ARFGAP3: variants seen among roughly 807,000 people sequenced by gnomAD.
The protein encoded by ARFGAP3 is ADP-ribosylation factor GTPase-activating protein 3.
ARFGAP3 carries 72 observed loss-of-function variants against 75.0 expected under a neutral mutation model. That is an observed-to-expected ratio of 0.96 (90% CI 0.79 to 1.17). The LOEUF is 1.17. Among genes scored for constraint, ARFGAP3 ranks in the 50% most tolerant of loss-of-function variants. The probability of loss-of-function intolerance (pLI) is 0.00; values close to 1 mark genes in which losing one functional copy is unlikely to be tolerated. For missense variants in ARFGAP3, 620 were observed against 626.6 expected (o/e 0.99, Z 0.11); for synonymous variants, 221 against 217.9 (o/e 1.01, Z -0.13).
chr22:42,816,143 A>C lies in ARFGAP3; in HGVS notation c.1064+999T>G, dbSNP rs539133777. Among the ~76,000 whole-genome samples, 17 of 152,322 alleles carry C rather than the reference A, an allele frequency of 1.1e-4. No homozygotes were observed. In the South Asian group the frequency reaches 3.3e-3, roughly 30 times the overall value. ...ACAAACAAACAAACAAAAAACATTT[A>C]GACTGAATCACATCTCTTAAACTGA... On this transcript the variant is annotated intron_variant, in intron 11 of 15. Transcript: ENST00000263245.
At chr22:42,856,738 C>A (rs1927517918) in intron 1 of ARFGAP3, among the ~76,000 whole-genome samples, 2 of 152,016 alleles carry the variant, frequency 1.3e-5, no homozygotes, top group Non-Finnish European at 2.9e-5. Context: ...GCATCCGGCG[C>A]CAGCAGCCGG....
intron 8 of ARFGAP3, among the ~76,000 whole-genome samples, chr22:42,822,857 T>C (rs1925872911): frequency 6.6e-6 from 1 of 152,176 alleles, no homozygotes; most frequent in Non-Finnish European, 1.5e-5. Context: ...TTGACCAAGC[T>C]GGAGTACAGT....
At chr22:42,851,859 T>C (rs530523552) in intron 1 of ARFGAP3, among the ~76,000 whole-genome samples, 1 of 152,330 alleles carries the variant, frequency 6.6e-6, no homozygotes, top group South Asian at 2.1e-4. Context: ...ATATTGAGTG[T>C]TTAATTCAGG....
chr22:42,844,225 C>G (rs1003082425), intron 2 of ARFGAP3, among the ~76,000 whole-genome samples: 7 of 151,528 alleles, frequency 4.6e-5, no homozygotes, highest in African/African-American at 1.7e-4. Flanking sequence ...TTTTTTGAGT[C>G]AGGGTCTTTG....
At chr22:42,850,377 G>T (rs895908072) in intron 1 of ARFGAP3, among the ~76,000 whole-genome samples, 11 of 151,880 alleles carry the variant, frequency 7.2e-5, no homozygotes, top group African/African-American at 2.7e-4. Flanking sequence ...TTTGAGACCA[G>T]CCTGGGCAAC....
At chr22:42,820,452 G>A (rs1262869703) in intron 9 of ARFGAP3, among the ~76,000 whole-genome samples, 3 of 152,136 alleles carry the variant, frequency 2.0e-5, no homozygotes, top group African/African-American at 7.2e-5. Flanking sequence ...CCATCTTAGC[G>A]AACCGTCAGT....
rs970080115 is a variant in ARFGAP3, at chr22:42,831,590, A to C, written c.524T>G (p.Leu175Ter). 1.1e-5 allele frequency: 17 copies of C among 1,613,824 alleles called. No homozygotes were observed. The highest frequency in any genetic ancestry group is 1.3e-5 in the African/African-American group (1 of 74,876). The change falls in exon 6 of 16, where the codon TTA becomes TGA. Residue 175 changes from leucine to a stop codon, truncating the protein, a stop_gained. Coordinates refer to ENST00000263245, the MANE Select transcript of ARFGAP3 (RefSeq NM_014570.5). LOFTEE classifies it high-confidence loss of function. ...WASAIAEPSS[L>*]TSRPVETTLE... ...AGTGGTTTCCACAGGCCTTGATGTT[A>C]AAGAAGATGGTTCTGCTATTGCTGA... is the stretch of plus-strand genomic sequence containing the variant.
intron 12 of ARFGAP3, among the ~76,000 whole-genome samples, chr22:42,810,333 G>A (rs1258575820): frequency 6.6e-6 from 1 of 151,966 alleles, no homozygotes; most frequent in African/African-American, 2.4e-5. Context: ...GCATGATGGT[G>A]TGCACCGGTA....
rs368428463 is a variant in ARFGAP3 at position 42,802,381 on chromosome 22, G to C, written c.1412-3221C>G. 8.6e-4 allele frequency among the ~76,000 whole-genome samples: 130 copies of C among 151,848 alleles called. 1 individual carries two copies. In the East Asian group the frequency reaches 0.023, roughly 27 times the overall value. The stretch of plus-strand genomic sequence containing the variant: ...GCTCACTGCAAGCTCCGCCTCCCAG[G>C]TTCACGCCATTCTCCTGCCTCAGCC... On this transcript the variant is annotated intron_variant, in intron 14 of 15. Coordinates refer to ENST00000263245, the MANE Select transcript of ARFGAP3 (RefSeq NM_014570.5).
chr22:42,854,213 G>A (rs1237499352), intron 1 of ARFGAP3, among the ~76,000 whole-genome samples: 1 of 152,170 alleles, frequency 6.6e-6, no homozygotes, highest in African/African-American at 2.4e-5. Context: ...TACCTTTCAT[G>A]CTCTACACAG....
At chr22:42,851,456 A>AGG (rs141310933) in intron 1 of ARFGAP3, among the ~76,000 whole-genome samples, 3 of 151,810 alleles carry the variant, frequency 2.0e-5, no homozygotes, top group Non-Finnish European at 2.9e-5. Flanking sequence ...TAGCCCCATG[A>AGG]GGGGGGGGCC....
At chr22:42,845,584 T>C (rs957984926) in intron 2 of ARFGAP3, among the ~76,000 whole-genome samples, 9 of 147,578 alleles carry the variant, frequency 6.1e-5, no homozygotes, top group African/African-American at 1.7e-4. Context: ...TTTGATTCAA[T>C]GGGGAAAAGA....
At chr22:42,827,579 T>G (rs1013440354) in intron 6 of ARFGAP3, among the ~76,000 whole-genome samples, 2 of 152,230 alleles carry the variant, frequency 1.3e-5, no homozygotes, top group South Asian at 4.1e-4. Context: ...TTGGTCAGGC[T>G]GGTCTCAAAT....
At chr22:42,806,948 A>G (rs760968126) in intron 14 of ARFGAP3, 125 bp downstream of exon 14, 2 of 965,896 alleles carry the variant, frequency 2.1e-6, no homozygotes, top group South Asian at 2.0e-5. Flanking sequence ...CCTGACTTAT[A>G]GCAGAGATCA....
chr22:42,828,701 T>C (rs537601377), intron 6 of ARFGAP3, among the ~76,000 whole-genome samples: 11 of 149,436 alleles, frequency 7.4e-5, no homozygotes, highest in South Asian at 4.3e-4. Context: ...TTTTTTTTTT[T>C]CTGAGACAGA....
At chr22:42,842,011 C>CTTT (rs55825441) in intron 2 of ARFGAP3, among the ~76,000 whole-genome samples, 7 of 91,240 alleles carry the variant, frequency 7.7e-5, no homozygotes, top group Non-Finnish European at 1.2e-4. Context: ...CCATGCCGGG[C>CTTT]TTTTTTTTTT....
rs374400907 is a variant in ARFGAP3, at chr22:42,829,014, A to C, written c.566-2015T>G. ...AGCCCTTTTATGCTAATAAATTATAATAGTGAAAATAGTTAAATTATCATC... is the reference window on the plus strand; with the variant it reads ...AGCCCTTTTATGCTAATAAATTATACTAGTGAAAATAGTTAAATTATCATC... On this transcript the variant is annotated intron_variant, in intron 6 of 15. Transcript: ENST00000263245. Among the ~76,000 whole-genome samples the C allele has an allele frequency of 1.7e-4, 26 of 152,318 alleles. 1 individual carries two copies. The South Asian group carries it at 5.0e-3, about 29-fold the overall frequency.
At chr22:42,838,135 T>C (rs944565505) in intron 3 of ARFGAP3, among the ~76,000 whole-genome samples, 2 of 151,846 alleles carry the variant, frequency 1.3e-5, no homozygotes, top group African/African-American at 2.4e-5. Flanking sequence ...TTGGATCCAA[T>C]TTAAATGGAA....
At position 42,855,451 on chromosome 22, in the gene ARFGAP3, C is replaced by T. The variant is rs146798455; in HGVS notation, c.69+1663G>A. Among the ~76,000 whole-genome samples, 753 of 152,144 alleles carry T rather than the reference C, an allele frequency of 4.9e-3. 1 individual carries two copies. The highest frequency in any genetic ancestry group is 0.016 in the African/African-American group (660 of 41,500). ...CTGTAATCCCAGCACTTCAGGAGGC[C>T]GAGGCGGGTGGATCACTTGAGGCCA... is the stretch of plus-strand genomic sequence containing the variant. On this transcript the variant is annotated intron_variant, in intron 1 of 15. Transcript: ENST00000263245.
Sources: allele counts gnomAD v4.1 joint callset (sites outside exome capture counted in the v4.1 genomes callset), GRCh38; gene constraint gnomAD v4.1.1; transcripts MANE v1.5; gene names NCBI Gene and HGNC (gene_info 2026-07-23, HGNC 2026-07-21).